SPOCK3: variants seen among roughly 807,000 people sequenced by gnomAD.
SPOCK3 encodes testican-3.
SPOCK3 carries 30 observed loss-of-function variants against 56.6 expected under a neutral mutation model. The observed-to-expected ratio is 0.53, with a 90% CI of 0.40 to 0.72. The LOEUF (loss-of-function observed/expected upper bound fraction) is 0.72. SPOCK3 is among the 30% of genes least tolerant of loss of function. The probability of loss-of-function intolerance (pLI) is 0.00; values close to 1 mark genes in which losing one functional copy is unlikely to be tolerated. For synonymous variants in SPOCK3, 196 were observed against 183.3 expected, an observed-to-expected ratio of 1.07 and a Z score of -0.56; for missense variants, 527 against 530.0, an observed-to-expected ratio of 0.99 and a Z score of 0.06.
chr4:167,110,973 A>G lies in SPOCK3; in HGVS notation c.190-48436T>C, dbSNP rs187377327. ...GGATCTGCTACACAGTTATCACAATATTTTGGAATGACATACTAATATATT... is the reference window on the plus strand; with the variant it reads ...GGATCTGCTACACAGTTATCACAATGTTTTGGAATGACATACTAATATATT... On this transcript the variant is annotated intron_variant, in intron 2 of 10. Coordinates refer to ENST00000357545, the MANE Select transcript of SPOCK3 (RefSeq NM_001040159.2). 3.2e-3 allele frequency among the ~76,000 whole-genome samples: 483 copies of G among 152,038 alleles called. 1 individual carries two copies. Among genetic ancestry groups the G allele is most frequent in the Non-Finnish European group, 4.5e-3 (308 of 67,938 alleles).
intron 3 of SPOCK3, among the ~76,000 whole-genome samples, chr4:167,021,610 C>T (rs915909290): frequency 6.6e-6 from 1 of 151,864 alleles, no homozygotes; most frequent in African/African-American, 2.4e-5. Context: ...GTCGATTTCC[C>T]CAGATCAGAT....
intron 4 of SPOCK3, among the ~76,000 whole-genome samples, chr4:166,956,073 A>G (rs1170124437): frequency 6.6e-6 from 1 of 152,026 alleles, no homozygotes; most frequent in Admixed American, 6.6e-5. Flanking sequence ...TTTGATAACC[A>G]TGATCTTTTC....
At chr4:166,985,320 G>A (rs981933934) in intron 4 of SPOCK3, among the ~76,000 whole-genome samples, 10 of 152,096 alleles carry the variant, frequency 6.6e-5, no homozygotes, top group African/African-American at 1.7e-4. Context: ...GACGTAATCC[G>A]TCCAAGTGAA....
At chr4:167,033,993 C>T (rs1752507223) in intron 3 of SPOCK3, among the ~76,000 whole-genome samples, 1 of 151,926 alleles carries the variant, frequency 6.6e-6, no homozygotes, top group Admixed American at 6.6e-5. Flanking sequence ...GAGTCCTATC[C>T]CACAGAAATT....
chr4:166,925,473 A>G (rs1561016127), intron 4 of SPOCK3, among the ~76,000 whole-genome samples: 1 of 152,126 alleles, frequency 6.6e-6, no homozygotes, highest in African/African-American at 2.4e-5. Context: ...TAAAAAGTAC[A>G]TTTATATTGT....
chr4:167,058,463 AAGG>A (rs1755169097), intron 3 of SPOCK3, among the ~76,000 whole-genome samples: 1 of 152,204 alleles, frequency 6.6e-6, no homozygotes, highest in Non-Finnish European at 1.5e-5. Context: ...GGACCTCTTC[AAGG>A]AGAACTACAA....
At chr4:166,880,355 C>T (rs1282559050) in intron 6 of SPOCK3, among the ~76,000 whole-genome samples, 1 of 152,130 alleles carries the variant, frequency 6.6e-6, no homozygotes, top group East Asian at 1.9e-4. Context: ...CTTAAGTCCT[C>T]CACAGATTCT....
At chr4:166,954,517 C>T (rs892949920) in intron 4 of SPOCK3, among the ~76,000 whole-genome samples, 1 of 152,054 alleles carries the variant, frequency 6.6e-6, no homozygotes, top group African/African-American at 2.4e-5. Flanking sequence ...TATTATTCTG[C>T]ATGTGGATAT....
At chr4:166,943,824 C>G (rs920739216) in intron 4 of SPOCK3, among the ~76,000 whole-genome samples, 3 of 152,038 alleles carry the variant, frequency 2.0e-5, no homozygotes, top group Admixed American at 2.0e-4. Context: ...TTATATGATA[C>G]ATGATAAATA....
intron 4 of SPOCK3, among the ~76,000 whole-genome samples, chr4:166,947,667 T>C (rs759653572): frequency 6.6e-6 from 1 of 152,198 alleles, no homozygotes; most frequent in Non-Finnish European, 1.5e-5. Flanking sequence ...CCAGTTTTGT[T>C]GCTTAAAGAT....
chr4:167,111,604 C>A (rs12331021), intron 2 of SPOCK3, among the ~76,000 whole-genome samples: 8,272 of 151,970 alleles, frequency 0.054, 333 homozygotes, highest in African/African-American at 0.11. Context: ...TCCTAATGTG[C>A]GAATATGCAA....
intron 7 of SPOCK3, among the ~76,000 whole-genome samples, chr4:166,787,136 A>G (rs1740814636): frequency 1.3e-5 from 2 of 152,234 alleles, no homozygotes; most frequent in African/African-American, 2.4e-5. Context: ...TTCTAATATT[A>G]TAGAAAACAA....
intron 6 of SPOCK3, among the ~76,000 whole-genome samples, chr4:166,800,183 G>GAAAAAAAAAAAAA (rs367811359): frequency 3.1e-4 from 16 of 51,784 alleles, no homozygotes; most frequent in African/African-American, 6.3e-4. Context: ...CTCCATCTCA[G>GAAAAAAAAAAAAA]AAAAAAAAAA....
chr4:167,016,654 C>T (rs1750654663), intron 3 of SPOCK3, among the ~76,000 whole-genome samples: 1 of 151,888 alleles, frequency 6.6e-6, no homozygotes, highest in African/African-American at 2.4e-5. Flanking sequence ...GATTCTCCTG[C>T]CTCAGTCTCC....
At chr4:166,971,271 T>TC (rs1433983773) in intron 4 of SPOCK3, among the ~76,000 whole-genome samples, 2 of 151,818 alleles carry the variant, frequency 1.3e-5, no homozygotes, top group South Asian at 2.1e-4. Context: ...TTTTTATTTT[T>TC]CCCCCCATGT....
chr4:167,004,607 A>G (rs1298098935), intron 3 of SPOCK3, among the ~76,000 whole-genome samples: 1 of 152,130 alleles, frequency 6.6e-6, no homozygotes, highest in East Asian at 1.9e-4. Flanking sequence ...AGGGATATTA[A>G]CCAGCTGTAT....
chr4:167,043,472 A>C (rs1440651036), intron 3 of SPOCK3, among the ~76,000 whole-genome samples: 2 of 152,046 alleles, frequency 1.3e-5, no homozygotes, highest in African/African-American at 4.8e-5. Flanking sequence ...TGCATTAGTT[A>C]GGACTTTCGT....
At chr4:166,919,275 C>T (rs571541024) in intron 4 of SPOCK3, among the ~76,000 whole-genome samples, 26 of 152,164 alleles carry the variant, frequency 1.7e-4, no homozygotes, top group Non-Finnish European at 1.9e-4. Context: ...CTTTACAGAG[C>T]GTTTAAATTA....
intron 2 of SPOCK3, among the ~76,000 whole-genome samples, chr4:167,176,627 C>T (rs1731007714): frequency 6.6e-6 from 1 of 151,796 alleles, no homozygotes; most frequent in Non-Finnish European, 1.5e-5. Context: ...TCTTTCAGTT[C>T]TTGGGTATCA....
Sources: gnomAD v4.1 joint callset for allele counts (sites outside exome capture counted in the v4.1 genomes callset) on GRCh38, gnomAD v4.1.1 for gene constraint, MANE v1.5 for transcripts, NCBI Gene and HGNC (gene_info 2026-07-23, HGNC 2026-07-21) for gene names.